ITPR1: variants seen among roughly 807,000 people sequenced by gnomAD.
The protein encoded by ITPR1 is inositol 1,4,5-trisphosphate receptor type 1, also known as inositol 1,4,5-trisphosphate-gated calcium channel ITPR1.
ITPR1 carries 96 observed loss-of-function variants against 318.4 expected under a neutral mutation model. The observed-to-expected ratio is 0.30, with a 90% CI of 0.26 to 0.36. The LOEUF (loss-of-function observed/expected upper bound fraction) is 0.36. Ranked by LOEUF, ITPR1 falls within the 10% of genes least tolerant of loss-of-function variation. ITPR1 has a pLI of 1.00. For synonymous variants in ITPR1, 1,312 were observed against 1,289.9 expected, an observed-to-expected ratio of 1.02 and a Z score of -0.37; for missense variants, 2,440 against 3,460.2, an observed-to-expected ratio of 0.71 and a Z score of 7.40.
chr3:4,638,264 A>G (rs1406432380), intron 5 of ITPR1, among the ~76,000 whole-genome samples: 1 of 152,232 alleles, frequency 6.6e-6, no homozygotes, highest in Non-Finnish European at 1.5e-5. Flanking sequence ...GGGTTTTACC[A>G]TCCATCAGAT....
intron 4 of ITPR1, among the ~76,000 whole-genome samples, chr3:4,585,097 G>C (rs1160885010): frequency 2.6e-5 from 4 of 152,180 alleles, no homozygotes; most frequent in African/African-American, 4.8e-5. Flanking sequence ...TGCCCGGGCA[G>C]TTGTGTTGTC....
chr3:4,727,147 C>G lies in ITPR1; in HGVS notation c.5194C>G (p.Leu1732Val), dbSNP rs370179124. 7 of 1,597,778 alleles carry G rather than the reference C, an allele frequency of 4.4e-6. No homozygotes were observed. The African/African-American group carries it at 9.3e-5, about 21-fold the overall frequency. ...ATEELEPSPP[L>V]RQLEDHKRGE... Reference sequence around the variant, plus strand: ...GCAGGAGCTTGAACCAAGTCCACCCCTGCGGCAGCTGGAAGACCATAAAAG... The same window carrying G: ...GCAGGAGCTTGAACCAAGTCCACCCGTGCGGCAGCTGGAAGACCATAAAAG... Residue 1732 changes from leucine (L) to valine (V), a missense_variant, in exon 42 of 62, where the codon CTG becomes GTG. By Grantham distance (32) the Leu-to-Val change is conservative. Coordinates refer to ENST00000649015, the MANE Select transcript of ITPR1 (RefSeq NM_001378452.1).
chr3:4,814,258 C>A (rs1054867718), intron 57 of ITPR1, 165 bp from the exon 58 acceptor site: 2 of 735,812 alleles, frequency 2.7e-6, no homozygotes, highest in East Asian at 5.5e-5. Flanking sequence ...TTGCCCCAGA[C>A]GACTTTAGCT....
intron 2 of ITPR1, among the ~76,000 whole-genome samples, chr3:4,511,564 CACGCCAGA>C (rs1444377067): frequency 6.6e-6 from 1 of 152,214 alleles, no homozygotes; most frequent in Non-Finnish European, 1.5e-5. Context: ...ATGCCTACTT[CACGCCAGA>C]TGCTTTGCTG....
At chr3:4,801,416 C>T (rs2048222790) in intron 54 of ITPR1, among the ~76,000 whole-genome samples, 1 of 152,092 alleles carries the variant, frequency 6.6e-6, no homozygotes, top group African/African-American at 2.4e-5. Flanking sequence ...GAGAACAGGT[C>T]ATGTCAAGCT....
intron 2 of ITPR1, among the ~76,000 whole-genome samples, chr3:4,496,184 C>G (rs1575296420): frequency 6.6e-6 from 1 of 152,230 alleles, no homozygotes. Context: ...GTTTCCCCAT[C>G]TGAATAATTC....
chr3:4,572,932 T>A (rs2125039464), intron 4 of ITPR1, among the ~76,000 whole-genome samples: 1 of 152,358 alleles, frequency 6.6e-6, no homozygotes, highest in Non-Finnish European at 1.5e-5. Context: ...CCTTCATTTT[T>A]AAGGTGAAAT....
chr3:4,681,802 C>G (rs2094307490), intron 26 of ITPR1, among the ~76,000 whole-genome samples: 1 of 151,918 alleles, frequency 6.6e-6, no homozygotes, highest in Non-Finnish European at 1.5e-5. Flanking sequence ...AAGATCATGT[C>G]CTGCTGCTGC....
intron 4 of ITPR1, among the ~76,000 whole-genome samples, chr3:4,558,810 T>C (rs76641694): frequency 2.9e-3 from 439 of 151,802 alleles, no homozygotes; most frequent in African/African-American, 0.01. Flanking sequence ...CATTTTACCA[T>C]TTTTGTTTCA....
chr3:4,560,603 G>C (rs2086577159), intron 4 of ITPR1, among the ~76,000 whole-genome samples: 1 of 152,136 alleles, frequency 6.6e-6, no homozygotes, highest in African/African-American at 2.4e-5. Flanking sequence ...GCTTTCTCTG[G>C]AAGAAGAGAG....
intron 4 of ITPR1, among the ~76,000 whole-genome samples, chr3:4,571,513 A>G (rs541825351): frequency 1.3e-5 from 2 of 152,132 alleles, no homozygotes; most frequent in East Asian, 1.9e-4. Flanking sequence ...TTAAGTTTTT[A>G]AAATTTTATG....
chr3:4,696,480 C>T (rs930367547), intron 33 of ITPR1, among the ~76,000 whole-genome samples: 5 of 152,194 alleles, frequency 3.3e-5, no homozygotes, highest in African/African-American at 1.2e-4. Context: ...CTATTCTATA[C>T]ATACACCACG....
At chr3:4,758,770 T>G (rs776589456) in intron 44 of ITPR1, among the ~76,000 whole-genome samples, 1 of 152,218 alleles carries the variant, frequency 6.6e-6, no homozygotes, top group African/African-American at 2.4e-5. Context: ...ACCTAAATTA[T>G]GGCCTTGGCT....
At chr3:4,541,526 G>A (rs73128906) in intron 4 of ITPR1, among the ~76,000 whole-genome samples, 1 of 151,770 alleles carries the variant, frequency 6.6e-6, no homozygotes, top group African/African-American at 2.4e-5. Flanking sequence ...ATAGGTGTCA[G>A]TTTCTTTTTA....
At chr3:4,700,658 T>C (rs2094633555) in intron 35 of ITPR1, among the ~76,000 whole-genome samples, 1 of 152,192 alleles carries the variant, frequency 6.6e-6, no homozygotes, top group South Asian at 2.1e-4. Context: ...AAGCAGATGG[T>C]GAGCCATCGT....
intron 4 of ITPR1, among the ~76,000 whole-genome samples, chr3:4,593,810 G>T (rs2090582805): frequency 6.6e-6 from 1 of 152,202 alleles, no homozygotes; most frequent in Non-Finnish European, 1.5e-5. Context: ...ACAGGATATG[G>T]TGGGAGAAGA....
At chr3:4,598,128 C>T (rs2090993551) in intron 4 of ITPR1, among the ~76,000 whole-genome samples, 1 of 152,220 alleles carries the variant, frequency 6.6e-6, no homozygotes, top group Non-Finnish European at 1.5e-5. Flanking sequence ...AACTTTAGTG[C>T]TTCCTCTCAG....
chr3:4,506,192 G>A (rs182927801), intron 2 of ITPR1, among the ~76,000 whole-genome samples: 42 of 152,254 alleles, frequency 2.8e-4, no homozygotes, highest in Admixed American at 1.6e-3. Context: ...TAGAATAGAA[G>A]GCCAACTTTT....
intron 4 of ITPR1, among the ~76,000 whole-genome samples, chr3:4,567,279 A>T (rs923530801): frequency 1.3e-5 from 2 of 151,772 alleles, no homozygotes; most frequent in African/African-American, 4.9e-5. Flanking sequence ...ACTCTTTTTT[A>T]TCCATTCCTG....
Sources: allele counts gnomAD v4.1 joint callset (sites outside exome capture counted in the v4.1 genomes callset), GRCh38; gene constraint gnomAD v4.1.1; transcripts MANE v1.5; gene names NCBI Gene and HGNC (gene_info 2026-07-23, HGNC 2026-07-21).